The following SLC30A6 variants were observed in gnomAD, a reference collection of about 807,000 sequenced individuals.
SLC30A6 encodes solute carrier family 30 member 6.
Under a neutral mutation model 63.0 loss-of-function variants are expected in SLC30A6, and 55 were observed. The observed-to-expected ratio is 0.87, with a 90% confidence interval of 0.70 to 1.09. The LOEUF (loss-of-function observed/expected upper bound fraction) is 1.09, where lower values mean the gene tolerates loss of function less well. Ranked by LOEUF, SLC30A6 falls within the 50% of genes least tolerant of loss-of-function variation. SLC30A6 has a pLI of 0.00. For missense variants in SLC30A6, 587 were observed against 549.2 expected, an observed-to-expected ratio of 1.07 and a Z score of -0.69; for synonymous variants, 224 against 186.1, an observed-to-expected ratio of 1.20 and a Z score of -1.66.
In SLC30A6 at chr2:32,192,448, C is replaced by T. The variant is rs746113254; in HGVS notation, c.365+32C>T. On this transcript the variant is annotated intron_variant, in intron 6 of 13. Transcript: ENST00000282587. ...TTGTATAGGATATTATTCTAAATCC[C>T]CCCATGACACCTTTGGGAACATGAA... 4 of 1,565,366 alleles carry T rather than the reference C, an allele frequency of 2.6e-6. No individual in the cohort carries two copies. In the East Asian group the frequency reaches 6.7e-5, roughly 26 times the overall value.
In SLC30A6 at chr2:32,220,452, A is replaced by C. The variant is rs748135392; in HGVS notation, c.1125A>C (p.Ser375=). 9.3e-6 allele frequency: 15 copies of C among 1,614,234 alleles called. No homozygotes were observed. The South Asian group carries it at 1.6e-4, about 18-fold the overall frequency. The change falls in exon 14 of 14, where the codon TCA becomes TCC. Residue 375 remains serine (S), a synonymous_variant. Coordinates refer to ENST00000282587, the MANE Select transcript of SLC30A6 (RefSeq NM_017964.5). ...KGTDDLNPVT[S]TPAKPSSPPP... ...CTGATGATTTGAACCCAGTTACATCAACTCCAGCTAAACCTAGTAGTCCAC... is the reference window on the plus strand; with the variant it reads ...CTGATGATTTGAACCCAGTTACATCCACTCCAGCTAAACCTAGTAGTCCAC...
At chr2:32,203,110 G>T (rs1296307623) in intron 10 of SLC30A6, 1 of 1,309,220 alleles carries the variant, frequency 7.6e-7, no homozygotes, top group Admixed American at 1.7e-5. Flanking sequence ...TTCAGAGAAG[G>T]TAGTTTTAAA....
At chr2:32,204,137 G>A in intron 10 of SLC30A6, 1 of 369,590 alleles carries the variant, frequency 2.7e-6, no homozygotes, top group Non-Finnish European at 4.9e-6. Flanking sequence ...TTTTTAAAAA[G>A]TATTTCACAA....
chr2:32,204,998 A>C (rs1458075691), intron 11 of SLC30A6, among the ~76,000 whole-genome samples: 1 of 152,042 alleles, frequency 6.6e-6, no homozygotes, highest in East Asian at 1.9e-4. Context: ...ATATTTGTAG[A>C]GATGGGCTCT....
Position 32,220,634 on chromosome 2 carries a change from C to A in SLC30A6, c.1307C>A (p.Thr436Asn), listed in dbSNP as rs1686086667. The A allele has an allele frequency of 6.2e-7, 1 of 1,614,024 alleles. No homozygotes were observed. Among genetic ancestry groups the A allele is most frequent in the Admixed American group, 1.7e-5 (1 of 59,996 alleles). ...QGLGVPGIGA[T>N]QGLRTGFTNI... ...CTTGGAGTTCCAGGAATTGGAGCAACTCAAGGATTGAGGACTGGTTTTACA... is the reference window on the plus strand; with the variant it reads ...CTTGGAGTTCCAGGAATTGGAGCAAATCAAGGATTGAGGACTGGTTTTACA... Residue 436 changes from threonine (T) to asparagine (N), a missense_variant, in exon 14 of 14, where the codon ACT (threonine) becomes AAT (asparagine). Thr to Asn is a moderately conservative substitution (Grantham distance 65). Transcript: ENST00000282587.
At chr2:32,187,168 A>G in intron 5 of SLC30A6, 1 of 470,984 alleles carries the variant, frequency 2.1e-6, no homozygotes, top group South Asian at 1.5e-5. Context: ...TTTTCTCTGC[A>G]TGTCCTGTTC....
rs1225480988 is a variant in SLC30A6, at chr2:32,193,886, T to C, written c.402-3T>C. The C allele has an allele frequency of 6.2e-7, 1 of 1,610,000 alleles. No individual in the cohort carries two copies. The highest frequency in any genetic ancestry group is 8.5e-7 in the Non-Finnish European group (1 of 1,176,992). ...AGGTGAATGTTATCGTTGTTCTTTT[T>C]AGGGGAAGATTATTAGTTGGTACTT... On this transcript the variant is annotated splice_region_variant and splice_polypyrimidine_tract_variant and intron_variant, in intron 7 of 13. Transcript: ENST00000282587.
rs755619724 is a variant in SLC30A6, at chr2:32,192,912, T to A, written c.366-6T>A. On this transcript the variant is annotated splice_region_variant and splice_polypyrimidine_tract_variant and intron_variant, in intron 6 of 13. Coordinates refer to ENST00000282587, the MANE Select transcript of SLC30A6 (RefSeq NM_017964.5). ...GACTTATTTAATATATTTTTATTTCTTATAGTGCAGAACGCTTTTTGGAAC... is the reference window on the plus strand; with the variant it reads ...GACTTATTTAATATATTTTTATTTCATATAGTGCAGAACGCTTTTTGGAAC... 1 of 1,504,468 alleles carries A rather than the reference T, an allele frequency of 6.6e-7. No individual in the cohort carries two copies. Among genetic ancestry groups the A allele is most frequent in the Non-Finnish European group, 9.0e-7 (1 of 1,112,948 alleles). 93.2% of individuals were successfully genotyped at this position (1,504,468 alleles called of 1,614,324 possible).
At chr2:32,197,075 A>G (rs2148864862) in intron 8 of SLC30A6, among the ~76,000 whole-genome samples, 1 of 152,302 alleles carries the variant, frequency 6.6e-6, no homozygotes, top group African/African-American at 2.4e-5. Context: ...GAAAAAGTGT[A>G]AAGAACCTTT....
chr2:32,206,627 G>T (rs559907959), intron 11 of SLC30A6, among the ~76,000 whole-genome samples: 6 of 152,194 alleles, frequency 3.9e-5, no homozygotes, highest in African/African-American at 1.4e-4. Flanking sequence ...ATTTCCCAAA[G>T]ATTTTTTGTT....
At chr2:32,182,132 G>A (rs890057958) in intron 4 of SLC30A6, among the ~76,000 whole-genome samples, 3 of 151,530 alleles carry the variant, frequency 2.0e-5, no homozygotes, top group Non-Finnish European at 4.4e-5. Flanking sequence ...ATGGGGTCTC[G>A]ACATGTTGCC....
intron 13 of SLC30A6, among the ~76,000 whole-genome samples, chr2:32,210,536 A>G (rs1002543600): frequency 5.7e-5 from 8 of 141,140 alleles, no homozygotes; most frequent in African/African-American, 2.1e-4. Flanking sequence ...AAAAAAAAAA[A>G]AACAACAGAA....
intron 4 of SLC30A6, among the ~76,000 whole-genome samples, chr2:32,177,997 G>T (rs1370883437): frequency 6.7e-6 from 1 of 149,538 alleles, no homozygotes; most frequent in Non-Finnish European, 1.5e-5. Flanking sequence ...GCCCAGGCTG[G>T]AGTGCAGTGG....
At chr2:32,183,125 T>C (rs212740) in intron 4 of SLC30A6, among the ~76,000 whole-genome samples, 78,476 of 151,464 alleles carry the variant, frequency 0.52, 20,594 homozygotes, top group African/African-American at 0.58. Flanking sequence ...AGGCGGAGGT[T>C]GCAGTGAGCC....
chr2:32,215,344 A>G (rs937300492), intron 13 of SLC30A6, among the ~76,000 whole-genome samples: 2 of 151,492 alleles, frequency 1.3e-5, no homozygotes, highest in Non-Finnish European at 2.9e-5. Flanking sequence ...ATAGGCGCGC[A>G]CCACCACGCC....
At chr2:32,203,284 A>T (rs1220173915) in intron 10 of SLC30A6, 2 of 942,534 alleles carry the variant, frequency 2.1e-6, no homozygotes, top group Admixed American at 1.7e-5. Flanking sequence ...ATCAACCAAG[A>T]GAAAGAGGTC....
In SLC30A6 at chr2:32,220,317, A is replaced by G. The variant is rs376726262; in HGVS notation, c.990A>G (p.Gln330=). The G allele has an allele frequency of 8.7e-6, 14 of 1,614,056 alleles. No homozygotes were observed. The highest frequency in any genetic ancestry group is 5.3e-5 in the African/African-American group (4 of 74,918). The change falls in exon 14 of 14, where the codon CAA becomes CAG. Residue 330 remains glutamine (Q), a synonymous_variant. Transcript: ENST00000282587. ...CTCTAGTGTCTACTCTAACTGTTCA[A>G]ATTTTCAAGGATGACTGGATTAGGC... ...LYTLVSTLTV[Q]IFKDDWIRPA... is the part of the protein sequence containing the mutation.
intron 13 of SLC30A6, among the ~76,000 whole-genome samples, 189 bp downstream of exon 13, chr2:32,209,750 C>T (rs1408381207): frequency 6.7e-6 from 1 of 149,038 alleles, no homozygotes; most frequent in Non-Finnish European, 1.5e-5. Flanking sequence ...GACAGGGTCT[C>T]ACTCTGTTGC....
chr2:32,178,193 C>T (rs936874695), intron 4 of SLC30A6, among the ~76,000 whole-genome samples: 7 of 151,002 alleles, frequency 4.6e-5, no homozygotes, highest in African/African-American at 1.7e-4. Context: ...GTGATCCGCC[C>T]GCCTCGGCTT....
Sources: gnomAD v4.1 joint callset for allele counts (sites outside exome capture counted in the v4.1 genomes callset) on GRCh38, gnomAD v4.1.1 for gene constraint, MANE v1.5 for transcripts, NCBI Gene and HGNC (gene_info 2026-07-23, HGNC 2026-07-21) for gene names.